The following RARB variants were observed in gnomAD, a reference collection of about 807,000 sequenced individuals.
RARB encodes retinoic acid receptor beta, also known as HBV-activated protein.
Under a neutral mutation model 51.9 loss-of-function variants are expected in RARB, and 17 were observed. The observed-to-expected ratio is 0.33, with a 90% confidence interval of 0.22 to 0.49. The LOEUF (loss-of-function observed/expected upper bound fraction) is 0.49, where lower values mean the gene tolerates loss of function less well. Ranked by LOEUF, RARB falls within the 20% of genes least tolerant of loss-of-function variation. The pLI is 0.99. For synonymous variants in RARB, 215 were observed against 195.4 expected (o/e 1.10, Z -0.84); for missense variants, 369 against 550.8 (o/e 0.67, Z 3.30).
intron 3 of RARB, among the ~76,000 whole-genome samples, chr3:25,539,917 C>G (rs758417948): frequency 2.6e-5 from 4 of 151,764 alleles, no homozygotes; most frequent in Non-Finnish European, 5.9e-5. Context: ...TTTTTTTCAA[C>G]CAAGTGTGGA....
At chr3:25,415,541 A>G (rs781261786) in intron 5 of RARB, among the ~76,000 whole-genome samples, 72 of 152,166 alleles carry the variant, frequency 4.7e-4, no homozygotes, top group Admixed American at 3.3e-4. Flanking sequence ...TTCCAGCACT[A>G]TTTTTAGGAA....
At chr3:25,467,401 G>A (rs1437537095) in intron 2 of RARB, among the ~76,000 whole-genome samples, 1 of 152,238 alleles carries the variant, frequency 6.6e-6, no homozygotes, top group Non-Finnish European at 1.5e-5. Flanking sequence ...GGCCTTGGCA[G>A]GATGACCAGA....
chr3:25,274,929 C>T (rs1703345923), intron 5 of RARB, among the ~76,000 whole-genome samples: 2 of 152,076 alleles, frequency 1.3e-5, no homozygotes, highest in African/African-American at 2.4e-5. Flanking sequence ...AATATCCTTG[C>T]CCACAGTGGA....
At chr3:24,900,332 A>C (rs1413044341) in intron 2 of RARB, among the ~76,000 whole-genome samples, 1 of 152,212 alleles carries the variant, frequency 6.6e-6, no homozygotes, top group East Asian at 1.9e-4. Context: ...AATGAAAGAG[A>C]GAGGCTGATT....
intron 5 of RARB, among the ~76,000 whole-genome samples, chr3:25,235,744 G>A (rs1702287214): frequency 6.6e-6 from 1 of 152,182 alleles, no homozygotes; most frequent in Non-Finnish European, 1.5e-5. Flanking sequence ...ACAAACACAG[G>A]AGATGGAAAG....
chr3:25,314,378 C>T (rs940146785), intron 5 of RARB, among the ~76,000 whole-genome samples: 4 of 152,104 alleles, frequency 2.6e-5, no homozygotes, highest in Non-Finnish European at 5.9e-5. Context: ...CCATTCATAA[C>T]GTTATTAATG....
chr3:25,559,244 C>T (rs939585925), intron 3 of RARB, among the ~76,000 whole-genome samples: 1 of 152,102 alleles, frequency 6.6e-6, no homozygotes, highest in Non-Finnish European at 1.5e-5. Flanking sequence ...TTGAACATTC[C>T]TTATGGAGAA....
chr3:25,179,075 T>C (rs932244673), intron 5 of RARB, among the ~76,000 whole-genome samples: 1 of 152,212 alleles, frequency 6.6e-6, no homozygotes, highest in African/African-American at 2.4e-5. Context: ...TGCTCTCCTG[T>C]CAAAATCACA....
intron 2 of RARB, among the ~76,000 whole-genome samples, chr3:24,877,923 A>C (rs776659149): frequency 4.6e-5 from 7 of 152,206 alleles, no homozygotes; most frequent in Middle Eastern, 3.2e-3. Flanking sequence ...ATCACTTACT[A>C]GGTGTTTTTC....
intron 3 of RARB, among the ~76,000 whole-genome samples, chr3:25,105,266 C>T (rs368626910): frequency 2.6e-5 from 4 of 151,940 alleles, no homozygotes; most frequent in African/African-American, 9.7e-5. Flanking sequence ...ACCTAATGAG[C>T]TTTAGGATGT....
At chr3:25,129,753 G>A (rs1164951939) in intron 3 of RARB, among the ~76,000 whole-genome samples, 2 of 151,914 alleles carry the variant, frequency 1.3e-5, no homozygotes, top group African/African-American at 4.8e-5. Flanking sequence ...GCATGTTTTT[G>A]CATATGGTTG....
intron 2 of RARB, among the ~76,000 whole-genome samples, chr3:25,043,748 T>C (rs537834326): frequency 6.6e-6 from 1 of 152,302 alleles, no homozygotes; most frequent in African/African-American, 2.4e-5. Context: ...CCACTCAGCA[T>C]GCTCCCTAAG....
chr3:24,859,079 T>C (rs1033042789), intron 2 of RARB, among the ~76,000 whole-genome samples: 28 of 145,610 alleles, frequency 1.9e-4, no homozygotes, highest in African/African-American at 5.8e-4. Flanking sequence ...AGTTCCTTAA[T>C]ACTCTTATTA....
intron 5 of RARB, among the ~76,000 whole-genome samples, chr3:25,242,271 T>A (rs948596151): frequency 1.3e-5 from 2 of 152,206 alleles, no homozygotes; most frequent in African/African-American, 4.8e-5. Flanking sequence ...TTCACTCTGA[T>A]GGTAGTTTAT....
intron 2 of RARB, among the ~76,000 whole-genome samples, chr3:25,488,506 A>G (rs1424423281): frequency 6.7e-6 from 1 of 150,360 alleles, no homozygotes; most frequent in Non-Finnish European, 1.5e-5. Context: ...ACCTGAGGAA[A>G]GCAAAATTAG....
intron 2 of RARB, among the ~76,000 whole-genome samples, chr3:24,860,427 A>G (rs1265203002): frequency 6.6e-6 from 1 of 152,138 alleles, no homozygotes; most frequent in Non-Finnish European, 1.5e-5. Context: ...ATTTGGCAGA[A>G]GGTTTCTTTA....
chr3:25,020,828 G>T (rs375288990), intron 2 of RARB, among the ~76,000 whole-genome samples: 2 of 152,096 alleles, frequency 1.3e-5, no homozygotes, highest in African/African-American at 4.8e-5. Flanking sequence ...AAGTAACTGG[G>T]CGTGGTGGCA....
intron 4 of RARB, among the ~76,000 whole-genome samples, chr3:25,138,860 G>A (rs1444834433): frequency 6.6e-6 from 1 of 152,090 alleles, no homozygotes; most frequent in Admixed American, 6.6e-5. Flanking sequence ...CAAATTGAAG[G>A]CTTGTGGCAA....
At chr3:25,039,278 A>C (rs1698065296) in intron 2 of RARB, among the ~76,000 whole-genome samples, 1 of 152,194 alleles carries the variant, frequency 6.6e-6, no homozygotes, top group South Asian at 2.1e-4. Flanking sequence ...GTAGCAGAAA[A>C]CGATTGTTGT....
Sources: allele counts gnomAD v4.1 joint callset (sites outside exome capture counted in the v4.1 genomes callset), GRCh38; gene constraint gnomAD v4.1.1; transcripts MANE v1.5; gene names NCBI Gene and HGNC (gene_info 2026-07-23, HGNC 2026-07-21).